Variants in POLN observed in about 807,000 individuals in gnomAD.
POLN encodes the protein DNA polymerase N.
Under a neutral mutation model 113.5 loss-of-function variants are expected in POLN, and 108 were observed. The ratio of observed to expected loss-of-function variants is 0.95; its 90% CI spans 0.81 to 1.12. The LOEUF (loss-of-function observed/expected upper bound fraction) is 1.12. POLN is among the 50% of genes most tolerant of loss of function. The pLI is 0.00. For missense variants in POLN, 1,097 were observed against 1,077.1 expected (o/e 1.02, Z -0.26); for synonymous variants, 386 against 391.5 (o/e 0.99, Z 0.17).
intron 19 of POLN, among the ~76,000 whole-genome samples, chr4:2,105,066 G>A (rs1384123111): frequency 6.6e-6 from 1 of 152,118 alleles, no homozygotes; most frequent in Non-Finnish European, 1.5e-5. Flanking sequence ...CAACCTATTT[G>A]GCCTCTCCAC....
At chr4:2,083,443 T>C (rs1730477085) in intron 21 of POLN, among the ~76,000 whole-genome samples, 1 of 152,244 alleles carries the variant, frequency 6.6e-6, no homozygotes, top group Non-Finnish European at 1.5e-5. Flanking sequence ...TGGAAACGGC[T>C]GCTCCAGATA....
intron 2 of POLN, chr4:2,240,459 CTGATCTTAG>C: frequency 6.2e-7 from 1 of 1,613,870 alleles, no homozygotes; most frequent in Non-Finnish European, 8.5e-7. Flanking sequence ...AAGTTCATTA[CTGATCTTAG>C]TGATCATTGC....
At chr4:2,072,455 A>T (rs1471464243) in intron 25 of POLN, among the ~76,000 whole-genome samples, 156 bp from the exon 26 acceptor site, 1 of 152,222 alleles carries the variant, frequency 6.6e-6, no homozygotes. Context: ...ATACACGTGC[A>T]CACTCACCAC....
At chr4:2,190,433 G>A (rs1375019644) in intron 7 of POLN, among the ~76,000 whole-genome samples, 1 of 149,716 alleles carries the variant, frequency 6.7e-6, no homozygotes, top group Non-Finnish European at 1.5e-5. Context: ...ACATCTGGAA[G>A]AAAACATTGG....
chr4:2,166,237 C>T (rs1246003667), intron 13 of POLN, among the ~76,000 whole-genome samples: 2 of 152,224 alleles, frequency 1.3e-5, no homozygotes, highest in African/African-American at 4.8e-5. Context: ...TCCCATTCTT[C>T]TCAGTCACAA....
intron 5 of POLN, among the ~76,000 whole-genome samples, chr4:2,201,055 C>T (rs1025188961): frequency 5.3e-5 from 8 of 151,882 alleles, no homozygotes; most frequent in East Asian, 3.9e-4. Context: ...ATCATGAGGT[C>T]GGGAGATCGA....
At chr4:2,241,843 G>A (rs903477631) in intron 1 of POLN, 53 bp from the exon 2 acceptor site, 3 of 985,522 alleles carry the variant, frequency 3.0e-6, no homozygotes, top group Non-Finnish European at 2.4e-6. Context: ...CCGAGCTGCA[G>A]AAGACGGGGG....
chr4:2,132,582 A>G (rs1731752874), intron 16 of POLN, among the ~76,000 whole-genome samples: 1 of 152,230 alleles, frequency 6.6e-6, no homozygotes, highest in Admixed American at 6.5e-5. Context: ...AAAAACAATC[A>G]TCTTGAAACT....
At chr4:2,210,661 G>A (rs768685675) in intron 4 of POLN, among the ~76,000 whole-genome samples, 50 of 147,944 alleles carry the variant, frequency 3.4e-4, no homozygotes, top group Non-Finnish European at 5.8e-4. Context: ...GGTGGCTCAC[G>A]CCTGTAATCC....
At position 2,150,007 on chromosome 4, in the gene POLN, C is replaced by T. The variant is rs530220674; in HGVS notation, c.1731+6781G>A. Among the ~76,000 whole-genome samples, 51 of 151,830 alleles carry T rather than the reference C, an allele frequency of 3.4e-4. No individual in the cohort carries two copies. The East Asian group carries it at 5.0e-3, about 15-fold the overall frequency. ...CTGAGGCAGGAGAATCGCTTGAACC[C>T]GGGAGGCAGAGGTTACAGTGGGCCA... On this transcript the variant is annotated intron_variant, in intron 16 of 25. Transcript: ENST00000511885.
chr4:2,095,861 G>T lies in POLN; in HGVS notation c.2055C>A (p.Val685=). The change falls in exon 20 of 26, where the codon GTC becomes GTA. Residue 685 remains valine, a synonymous_variant. Transcript: ENST00000511885. ...CGGCCCGCAGCCTACCTGCTCCATA[G>T]ACCACCGCGTACACCACCTTCTTGG... ...EQTKKVVYAV[V]YGAGKERLAA... is the part of the protein sequence containing the mutation. The T allele has an allele frequency of 6.2e-7, 1 of 1,613,944 alleles. No homozygotes were observed. Among genetic ancestry groups the T allele is most frequent in the South Asian group, 1.1e-5 (1 of 91,048 alleles).
At chr4:2,194,066 G>A (rs1039699460) in intron 6 of POLN, among the ~76,000 whole-genome samples, 1 of 152,236 alleles carries the variant, frequency 6.6e-6, no homozygotes, top group South Asian at 2.1e-4. Context: ...TGTGTGTGAA[G>A]TGATTGTTGC....
intron 18 of POLN, 120 bp from the exon 19 acceptor site, chr4:2,128,347 C>T (rs1240936816): frequency 3.2e-6 from 2 of 619,198 alleles, no homozygotes; most frequent in African/African-American, 3.7e-5. Context: ...ATGTCCCTGC[C>T]TCCCATCTCC....
intron 16 of POLN, among the ~76,000 whole-genome samples, chr4:2,138,918 G>T (rs540829685): frequency 6.7e-6 from 1 of 150,134 alleles, no homozygotes; most frequent in Non-Finnish European, 1.5e-5. Context: ...GAAAAGAAAA[G>T]AAAAAGGTGA....
chr4:2,195,755 G>T (rs1733558417), intron 6 of POLN, among the ~76,000 whole-genome samples: 1 of 152,042 alleles, frequency 6.6e-6, no homozygotes, highest in Non-Finnish European at 1.5e-5. Context: ...ACTGTTCCTA[G>T]CCAAGGTAAC....
chr4:2,188,326 C>T (rs7682674), intron 7 of POLN, among the ~76,000 whole-genome samples: 37,502 of 152,060 alleles, frequency 0.25, 7,147 homozygotes, highest in African/African-American at 0.51. Context: ...ACGGGCCGGG[C>T]GCAGTGGCTC....
chr4:2,148,742 G>T (rs1732215490), intron 16 of POLN, among the ~76,000 whole-genome samples: 1 of 151,494 alleles, frequency 6.6e-6, no homozygotes, highest in Non-Finnish European at 1.5e-5. Flanking sequence ...ATAAACCAAA[G>T]ATCCAAGAAA....
chr4:2,133,260 T>C (rs1443173423), intron 16 of POLN, among the ~76,000 whole-genome samples: 1 of 150,126 alleles, frequency 6.7e-6, no homozygotes, highest in Non-Finnish European at 1.5e-5. Context: ...AATATGGAGG[T>C]TCCTCAAAAA....
intron 20 of POLN, chr4:2,088,578 G>T: frequency 1.7e-6 from 1 of 574,626 alleles, no homozygotes; most frequent in Non-Finnish European, 2.5e-6. Context: ...GCAAAAATAC[G>T]CATTAGCTAA....
Sources: gnomAD v4.1 joint callset for allele counts (sites outside exome capture counted in the v4.1 genomes callset) on GRCh38, gnomAD v4.1.1 for gene constraint, MANE v1.5 for transcripts, NCBI Gene and HGNC (gene_info 2026-07-23, HGNC 2026-07-21) for gene names.